Variants in ACTN1 observed in about 807,000 individuals in gnomAD.
ACTN1 encodes actinin alpha 1, also known as alpha-actinin-1.
ACTN1 carries 30 observed loss-of-function variants against 119.6 expected under a neutral mutation model. That is an observed-to-expected ratio of 0.25 (90% CI 0.19 to 0.34). The LOEUF (loss-of-function observed/expected upper bound fraction) is 0.34, where lower values mean the gene tolerates loss of function less well. Among genes scored for constraint, ACTN1 ranks in the 10% least tolerant of loss-of-function variants. ACTN1 has a pLI of 1.00. For missense variants in ACTN1, 764 were observed against 1,223.4 expected (o/e 0.62, Z 5.60); for synonymous variants, 429 against 472.6 (o/e 0.91, Z 1.20).
At chr14:68,961,826 T>G (rs2140613943) in intron 1 of ACTN1, among the ~76,000 whole-genome samples, 1 of 152,284 alleles carries the variant, frequency 6.6e-6, no homozygotes, top group South Asian at 2.1e-4. Context: ...TAGTTGCTCC[T>G]CATCCCTCCA....
At chr14:68,950,477 T>A (rs184324505) in intron 1 of ACTN1, among the ~76,000 whole-genome samples, 1 of 144,798 alleles carries the variant, frequency 6.9e-6, no homozygotes, top group African/African-American at 2.9e-5. Context: ...TATATATATA[T>A]AAATCAAACA....
intron 11 of ACTN1, chr14:68,888,054 C>T (rs1490688422): frequency 2.2e-5 from 16 of 723,934 alleles, no homozygotes; most frequent in Non-Finnish European, 3.6e-5. Flanking sequence ...TTGGCGGCTC[C>T]TTCAGCAGAG....
At chr14:68,892,372 C>T (rs2032563472) in intron 9 of ACTN1, 89 bp from the exon 10 acceptor site, 3 of 1,374,474 alleles carry the variant, frequency 2.2e-6, no homozygotes, top group African/African-American at 2.9e-5. Context: ...AACAGCCCTC[C>T]CACATGGGGA....
At chr14:68,910,722 C>T (rs2033958685) in intron 4 of ACTN1, among the ~76,000 whole-genome samples, 1 of 152,128 alleles carries the variant, frequency 6.6e-6, no homozygotes, top group African/African-American at 2.4e-5. Flanking sequence ...CCATAATTCC[C>T]ACGTGTTGTG....
At chr14:68,978,898 T>G in intron 1 of ACTN1, 54 bp downstream of exon 1, 1 of 1,287,314 alleles carries the variant, frequency 7.8e-7, no homozygotes, top group South Asian at 1.4e-5. Context: ...GCAGAGCGGG[T>G]CGGGGCTGGG....
chr14:68,914,485 G>C (rs1048239555), intron 3 of ACTN1, among the ~76,000 whole-genome samples: 15 of 152,178 alleles, frequency 9.9e-5, no homozygotes, highest in African/African-American at 3.4e-4. Context: ...ACAAAGTTAG[G>C]CTGGGTGAAG....
At chr14:68,904,978 T>G (rs2033577535) in intron 6 of ACTN1, among the ~76,000 whole-genome samples, 1 of 152,242 alleles carries the variant, frequency 6.6e-6, no homozygotes, top group Non-Finnish European at 1.5e-5. Context: ...TGGGGCGAAG[T>G]AGTCTGCAGC....
At chr14:68,973,219 C>T (rs1385870599) in intron 1 of ACTN1, among the ~76,000 whole-genome samples, 1 of 152,174 alleles carries the variant, frequency 6.6e-6, no homozygotes, top group Non-Finnish European at 1.5e-5. Flanking sequence ...GGACTTGATG[C>T]CCAGCCTGGG....
intron 1 of ACTN1, among the ~76,000 whole-genome samples, chr14:68,955,425 G>A (rs537990415): frequency 1.5e-4 from 23 of 152,256 alleles, no homozygotes; most frequent in African/African-American, 3.1e-4. Context: ...ACTGTCACGC[G>A]GTTTGAAAGA....
chr14:68,968,728 C>T (rs2036782576), intron 1 of ACTN1, among the ~76,000 whole-genome samples: 1 of 152,236 alleles, frequency 6.6e-6, no homozygotes, highest in Admixed American at 6.5e-5. Context: ...ACCACCTGAA[C>T]CTTTCAGGTC....
intron 1 of ACTN1, among the ~76,000 whole-genome samples, chr14:68,933,580 G>A (rs73288945): frequency 0.1 from 15,423 of 152,106 alleles, 943 homozygotes; most frequent in African/African-American, 0.16. Context: ...ACTAGAATAC[G>A]GCCTCTGTAT....
At chr14:68,931,071 C>T (rs145352879) in intron 1 of ACTN1, among the ~76,000 whole-genome samples, 46 of 152,300 alleles carry the variant, frequency 3.0e-4, no homozygotes, top group African/African-American at 1.0e-3. Flanking sequence ...CTGCTCCACC[C>T]GAATGACGTG....
At chr14:68,876,061 A>G (rs571910177) in intron 21 of ACTN1, among the ~76,000 whole-genome samples, 1 of 152,242 alleles carries the variant, frequency 6.6e-6, no homozygotes, top group Admixed American at 6.5e-5. Flanking sequence ...CAGTGGCACA[A>G]TCTTGGCTCA....
At chr14:68,921,399 G>A (rs963931193) in intron 2 of ACTN1, 12 of 311,802 alleles carry the variant, frequency 3.8e-5, no homozygotes, top group Non-Finnish European at 6.5e-5. Context: ...AGCCCCTACC[G>A]CATGCCAGGG....
intron 11 of ACTN1, chr14:68,886,820 T>C (rs1000514998): frequency 3.9e-5 from 6 of 151,956 alleles, no homozygotes; most frequent in Admixed American, 3.9e-4. Flanking sequence ...GGCGGCACAT[T>C]ATTGGAATTT....
intron 2 of ACTN1, among the ~76,000 whole-genome samples, chr14:68,924,334 A>T (rs138465828): frequency 6.7e-6 from 1 of 148,260 alleles, no homozygotes; most frequent in South Asian, 2.1e-4. Context: ...ACTACTTTTA[A>T]AAAAAAAGGG....
rs753102607 is a variant in ACTN1, at chr14:68,878,676, A to C, written c.2362-153T>G. The C allele has an allele frequency of 9.1e-6, 14 of 1,541,508 alleles. No individual in the cohort carries two copies. The highest frequency in any genetic ancestry group is 1.1e-5 in the Non-Finnish European group (13 of 1,147,336). On this transcript the variant is annotated intron_variant, in intron 19 of 21. Transcript: ENST00000394419. The surrounding 1 kb of genome is among the most constrained non-coding windows in gnomAD (Gnocchi z 4.4). ...AGGATAGGTAAAGGAACATAGGAGAAGATGCGAACACACATCGGTGGAAAT... is the reference window on the plus strand; with the variant it reads ...AGGATAGGTAAAGGAACATAGGAGACGATGCGAACACACATCGGTGGAAAT...
rs1454603849 is a variant in ACTN1 at position 68,877,169 on chromosome 14, G to A, written c.2499C>T (p.Ala833=). 1.2e-6 allele frequency: 2 copies of A among 1,614,076 alleles called. No homozygotes were observed. Among genetic ancestry groups the A allele is most frequent in the East Asian group, 2.2e-5 (1 of 44,904 alleles). The change falls in exon 21 of 22, where the codon GCC becomes GCT. Residue 833 remains alanine, a synonymous_variant. Coordinates refer to ENST00000394419, the MANE Select transcript of ACTN1 (RefSeq NM_001130004.2). ...PNRLGVVTFQ[A]FIDFMSRETA... ...TCTCGCGGGACATGAAGTCAATGAA[G>A]GCCTGGAATGTCACTACCCCCAGGC...
intron 9 of ACTN1, 121 bp downstream of exon 9, chr14:68,893,534 C>T: frequency 1.1e-6 from 1 of 945,476 alleles, no homozygotes; most frequent in Non-Finnish European, 1.6e-6. Context: ...CCTGGACTAG[C>T]AGTATTGGGA....
Sources: allele counts gnomAD v4.1 joint callset (sites outside exome capture counted in the v4.1 genomes callset), GRCh38; gene constraint gnomAD v4.1.1; non-coding constraint Gnocchi (gnomAD v3.1); transcripts MANE v1.5; gene names NCBI Gene and HGNC (gene_info 2026-07-23, HGNC 2026-07-21).